TTC39B: variants seen among roughly 807,000 people sequenced by gnomAD.
TTC39B encodes the protein tetratricopeptide repeat domain 39B.
Under a neutral mutation model 96.6 loss-of-function variants are expected in TTC39B, and 92 were observed. That is an observed-to-expected ratio of 0.95 (90% CI 0.80 to 1.13). The LOEUF is 1.13. Among genes scored for constraint, TTC39B ranks in the 50% most tolerant of loss-of-function variants. TTC39B has a pLI of 0.00. For synonymous variants in TTC39B, 367 were observed against 299.4 expected (o/e 1.23, Z -2.33); for missense variants, 955 against 809.3 (o/e 1.18, Z -2.18).
chr9:15,245,980 G>A (rs778334480), intron 2 of TTC39B, among the ~76,000 whole-genome samples: 8 of 152,154 alleles, frequency 5.3e-5, no homozygotes, highest in Admixed American at 2.0e-4. Flanking sequence ...CAGGCCGGGC[G>A]TGGTGGCTCA....
rs13302035 is a variant in TTC39B at position 15,197,698 on chromosome 9, T to A, written c.824+2163A>T. ...AAAACCACACTTAGGCACATCATAG[T>A]CAAACTACTGAGACCCAAAGATACA... On this transcript the variant is annotated intron_variant, in intron 8 of 19. Transcript: ENST00000512701. Among the ~76,000 whole-genome samples, 454 of 152,088 alleles carry A rather than the reference T, an allele frequency of 3.0e-3. 1 individual carries two copies. Among genetic ancestry groups the A allele is most frequent in the Non-Finnish European group, 5.5e-3 (375 of 67,994 alleles).
chr9:15,246,188 G>C (rs1394342125), intron 2 of TTC39B, among the ~76,000 whole-genome samples: 2 of 152,220 alleles, frequency 1.3e-5, no homozygotes, highest in African/African-American at 4.8e-5. Context: ...GGGAGGCAGA[G>C]GTTGTGGTGA....
intron 9 of TTC39B, among the ~76,000 whole-genome samples, chr9:15,192,380 C>T (rs1818907187): frequency 6.6e-6 from 1 of 152,182 alleles, no homozygotes; most frequent in South Asian, 2.1e-4. Flanking sequence ...CCACACGCTT[C>T]CCTTACATTT....
intron 3 of TTC39B, among the ~76,000 whole-genome samples, 174 bp from the exon 4 acceptor site, chr9:15,214,423 A>C (rs897142699): frequency 6.6e-6 from 1 of 151,770 alleles, no homozygotes; most frequent in Non-Finnish European, 1.5e-5. Flanking sequence ...ATAGGAAAAA[A>C]ATGTGCTTCA....
chr9:15,253,981 T>G (rs181093297), intron 2 of TTC39B, among the ~76,000 whole-genome samples: 15 of 152,248 alleles, frequency 9.9e-5, no homozygotes, highest in African/African-American at 3.6e-4. Context: ...CCTGGCTCAG[T>G]GTCAACATTG....
chr9:15,195,670 CAAAAAAAAAA>C (rs35318510), intron 8 of TTC39B, among the ~76,000 whole-genome samples: 19 of 66,318 alleles, frequency 2.9e-4, no homozygotes, highest in Non-Finnish European at 4.7e-4. Flanking sequence ...ACTCCATCTC[CAAAAAAAAAA>C]AAAAAAAAAA....
chr9:15,226,251 T>C (rs1211853122), intron 2 of TTC39B, among the ~76,000 whole-genome samples: 1 of 152,222 alleles, frequency 6.6e-6, no homozygotes, highest in Non-Finnish European at 1.5e-5. Context: ...TTAACTGAAA[T>C]TACTCCACAG....
intron 7 of TTC39B, among the ~76,000 whole-genome samples, chr9:15,200,391 G>A (rs181024470): frequency 9.3e-4 from 141 of 152,262 alleles, no homozygotes; most frequent in African/African-American, 3.3e-3. Flanking sequence ...TCTTTTTAAT[G>A]TTGCGAATTT....
At position 15,301,766 on chromosome 9, in the gene TTC39B, AAAG is replaced by A. The variant is rs200782148; in HGVS notation, c.240+5315_240+5317del. 8.8e-3 allele frequency among the ~76,000 whole-genome samples: 1,338 copies of A among 152,006 alleles called. 17 individuals carry two copies. Among genetic ancestry groups the A allele is most frequent in the African/African-American group, 0.03 (1,228 of 41,392 alleles). ...GAGAGAGTCCATCTCAAAAAAAAAA[AAAG>A]AAGAAGAAAAGAAAGAAAATTGTGG... On this transcript the variant is annotated intron_variant, in intron 1 of 19. Coordinates refer to ENST00000512701, the Ensembl canonical transcript of TTC39B.
chr9:15,225,814 G>T, intron 3 of TTC39B, 103 bp downstream of exon 3: 4 of 1,041,540 alleles, frequency 3.8e-6, no homozygotes, highest in Non-Finnish European at 5.5e-6. Flanking sequence ...GACCTCATTG[G>T]TTTGTCAAAC....
At chr9:15,255,626 G>T (rs1267183172) in intron 2 of TTC39B, among the ~76,000 whole-genome samples, 2 of 151,898 alleles carry the variant, frequency 1.3e-5, no homozygotes, top group Non-Finnish European at 2.9e-5. Flanking sequence ...AGGGTAAAAA[G>T]TTAACAAAAG....
intron 1 of TTC39B, among the ~76,000 whole-genome samples, chr9:15,273,259 C>T (rs144881624): frequency 0.016 from 2,370 of 152,294 alleles, 28 homozygotes; most frequent in Non-Finnish European, 0.025. Context: ...TCTCCATTAA[C>T]TGCCAAAGAG....
At chr9:15,176,573 T>A (rs979646244) in intron 18 of TTC39B, among the ~76,000 whole-genome samples, 2 of 152,170 alleles carry the variant, frequency 1.3e-5, no homozygotes, top group African/African-American at 4.8e-5. Context: ...TAGCTGTGAT[T>A]GTTTTGGCTT....
intron 1 of TTC39B, among the ~76,000 whole-genome samples, chr9:15,293,556 G>A (rs1431234223): frequency 6.6e-6 from 1 of 151,756 alleles, no homozygotes; most frequent in Non-Finnish European, 1.5e-5. Flanking sequence ...CAAGATCCTA[G>A]GACCTACTGA....
chr9:15,245,513 AC>A (rs1822234993), intron 2 of TTC39B, among the ~76,000 whole-genome samples: 1 of 152,182 alleles, frequency 6.6e-6, no homozygotes. Flanking sequence ...AAAAATAAAA[AC>A]AAAAACACCT....
chr9:15,193,246 T>A (rs1309160773), intron 8 of TTC39B, among the ~76,000 whole-genome samples: 1 of 152,234 alleles, frequency 6.6e-6, no homozygotes, highest in East Asian at 1.9e-4. Flanking sequence ...CATGAAAATC[T>A]TTCCAACTTC....
At chr9:15,172,436 G>C (rs917228270) in intron 19 of TTC39B, among the ~76,000 whole-genome samples, 1 of 152,066 alleles carries the variant, frequency 6.6e-6, no homozygotes, top group Admixed American at 6.6e-5. Flanking sequence ...TAAATAATTA[G>C]ACTTCCTTTT....
intron 6 of TTC39B, among the ~76,000 whole-genome samples, chr9:15,208,444 T>C (rs1820001888): frequency 6.6e-6 from 1 of 152,138 alleles, no homozygotes; most frequent in Non-Finnish European, 1.5e-5. Context: ...CAGAGGTCAA[T>C]GGGCCACTAG....
chr9:15,293,584 TGA>T (rs60512725), intron 1 of TTC39B, among the ~76,000 whole-genome samples: 18,814 of 152,036 alleles, frequency 0.12, 1,779 homozygotes, highest in African/African-American at 0.27. Context: ...TCGCTGGCGG[TGA>T]GACACAGGGA....
Sources: gnomAD v4.1 joint callset for allele counts (sites outside exome capture counted in the v4.1 genomes callset) on GRCh38, gnomAD v4.1.1 for gene constraint, MANE v1.5 for transcripts, NCBI Gene and HGNC (gene_info 2026-07-23, HGNC 2026-07-21) for gene names.